The following KCNK2 variants were observed in gnomAD, a reference collection of about 807,000 sequenced individuals.
The protein encoded by KCNK2 is potassium two pore domain channel subfamily K member 2.
In KCNK2, 21 loss-of-function variants were observed where a neutral mutation model predicts 40.5. That is an observed-to-expected ratio of 0.52 (90% confidence interval 0.37 to 0.75). The LOEUF is 0.75. Ranked by LOEUF, KCNK2 falls within the 30% of genes least tolerant of loss-of-function variation. The probability of loss-of-function intolerance (pLI) is 0.00; values close to 1 mark genes in which losing one functional copy is unlikely to be tolerated. For missense variants in KCNK2, 399 were observed against 531.6 expected (o/e 0.75, Z 2.45); for synonymous variants, 191 against 202.2 (o/e 0.94, Z 0.47).
chr1:215,078,696 A>C (rs992140923), upstream of KCNK2, among the ~76,000 whole-genome samples: 1 of 152,198 alleles, frequency 6.6e-6, no homozygotes, highest in Non-Finnish European at 1.5e-5. Context: ...GAGCCAAACC[A>C]TATCAGGAAT....
intron 1 of KCNK2, among the ~76,000 whole-genome samples, chr1:215,062,978 G>A (rs1658409158): frequency 6.6e-6 from 1 of 152,044 alleles, no homozygotes; most frequent in African/African-American, 2.4e-5. Context: ...GATAAACTTG[G>A]GTCTAGAAGA....
intron 6 of KCNK2, among the ~76,000 whole-genome samples, chr1:215,218,057 G>A (rs138110187): frequency 6.6e-6 from 1 of 152,282 alleles, no homozygotes; most frequent in African/African-American, 2.4e-5. Flanking sequence ...ATGTTTCACA[G>A]GGGAATAGAG....
chr1:215,218,429 CCTA>C (rs1666041056), intron 6 of KCNK2, among the ~76,000 whole-genome samples: 1 of 152,152 alleles, frequency 6.6e-6, no homozygotes, highest in Non-Finnish European at 1.5e-5. Context: ...CCGACTATGT[CCTA>C]CTCTAATGTC....
At chr1:215,014,744 G>C (rs375929058) in intron 1 of KCNK2, among the ~76,000 whole-genome samples, 1 of 152,032 alleles carries the variant, frequency 6.6e-6, no homozygotes, top group Admixed American at 6.6e-5. Context: ...AGACCATCTG[G>C]TAATTTTTCC....
chr1:215,096,326 T>C (rs538859957), intron 2 of KCNK2, among the ~76,000 whole-genome samples: 16 of 151,772 alleles, frequency 1.1e-4, no homozygotes, highest in Non-Finnish European at 1.9e-4. Flanking sequence ...TTTAGTAACA[T>C]TTTTTTCCTA....
At chr1:215,096,714 G>A (rs1659992926) in intron 2 of KCNK2, among the ~76,000 whole-genome samples, 1 of 151,888 alleles carries the variant, frequency 6.6e-6, no homozygotes, top group African/African-American at 2.4e-5. Context: ...AGGCAACACA[G>A]ACAAACTGAT....
chr1:215,056,295 T>C (rs11120476), intron 1 of KCNK2, among the ~76,000 whole-genome samples: 134,285 of 140,362 alleles, frequency 0.96, 64,502 homozygotes, highest in East Asian at 1. Context: ...GCAACAAGAG[T>C]GAAACTCCAT....
intron 1 of KCNK2, among the ~76,000 whole-genome samples, chr1:215,068,382 T>C (rs1452637): frequency 0.96 from 145,979 of 152,244 alleles, 70,262 homozygotes; most frequent in East Asian, 1. Flanking sequence ...GGACATCTAT[T>C]ACTTCAGGCG....
At chr1:215,044,820 T>C (rs1407682623) in intron 1 of KCNK2, among the ~76,000 whole-genome samples, 6 of 64,174 alleles carry the variant, frequency 9.3e-5, no homozygotes, top group African/African-American at 2.9e-4. Flanking sequence ...TGTGTGTGTG[T>C]GTGTGTGCGC....
intron 3 of KCNK2, among the ~76,000 whole-genome samples, chr1:215,143,586 A>G (rs10779642): frequency 0.77 from 116,823 of 152,040 alleles, 45,193 homozygotes; most frequent in Non-Finnish European, 0.79. Flanking sequence ...TAAGTACGCC[A>G]AAGCATTGAG....
At chr1:215,046,416 C>G (rs972154764) in intron 1 of KCNK2, among the ~76,000 whole-genome samples, 1 of 149,404 alleles carries the variant, frequency 6.7e-6, no homozygotes, top group Non-Finnish European at 1.5e-5. Flanking sequence ...CTATATTTGA[C>G]TAAGGTCAAG....
chr1:215,120,256 C>A lies in KCNK2; in HGVS notation c.358-4377C>A, dbSNP rs192867415. The stretch of plus-strand genomic sequence containing the variant: ...GATGAGAAAAAGAATAAGCTAAAAT[C>A]ATAGTGCTGGTTATGAAGGCTATAT... On this transcript the variant is annotated intron_variant, in intron 2 of 6. Transcript: ENST00000444842. Among the ~76,000 whole-genome samples the A allele has an allele frequency of 1.8e-4, 28 of 152,208 alleles. No homozygotes were observed. In the East Asian group the frequency reaches 3.9e-3, roughly 21 times the overall value.
intron 6 of KCNK2, among the ~76,000 whole-genome samples, chr1:215,221,098 A>G (rs1250889067): frequency 6.6e-6 from 1 of 152,220 alleles, no homozygotes; most frequent in Non-Finnish European, 1.5e-5. Context: ...GGCTGGGCGC[A>G]GTGGCTCACA....
At chr1:215,136,821 A>G (rs1435223698) in intron 3 of KCNK2, among the ~76,000 whole-genome samples, 2 of 152,238 alleles carry the variant, frequency 1.3e-5, no homozygotes, top group African/African-American at 2.4e-5. Context: ...ATATCTGATG[A>G]CAGCCTTGAT....
At chr1:215,210,761 A>G (rs1665709192) in intron 6 of KCNK2, among the ~76,000 whole-genome samples, 1 of 152,160 alleles carries the variant, frequency 6.6e-6, no homozygotes, top group South Asian at 2.1e-4. Context: ...TATACAGAAT[A>G]TGCTTTACAT....
intron 6 of KCNK2, among the ~76,000 whole-genome samples, chr1:215,205,634 C>T (rs1476958554): frequency 6.6e-6 from 1 of 152,204 alleles, no homozygotes; most frequent in African/African-American, 2.4e-5. Flanking sequence ...CCATGTCAGC[C>T]TGGGTCCCTG....
At chr1:215,097,304 T>C (rs1030181510) in intron 2 of KCNK2, among the ~76,000 whole-genome samples, 1 of 151,856 alleles carries the variant, frequency 6.6e-6, no homozygotes, top group Non-Finnish European at 1.5e-5. Flanking sequence ...ATGGTTTTGC[T>C]CTCAGGTTAG....
At chr1:215,170,565 A>C (rs1017094786) in intron 4 of KCNK2, among the ~76,000 whole-genome samples, 22 of 152,180 alleles carry the variant, frequency 1.4e-4, no homozygotes, top group Non-Finnish European at 2.4e-4. Context: ...GATGAAATAA[A>C]ATATCGAGTA....
intron 3 of KCNK2, among the ~76,000 whole-genome samples, chr1:215,151,820 G>A (rs1289401155): frequency 1.3e-5 from 2 of 151,946 alleles, no homozygotes; most frequent in East Asian, 3.8e-4. Context: ...TAGGAATGTT[G>A]TAGTGTGGGG....
Sources: gnomAD v4.1 joint callset for allele counts (sites outside exome capture counted in the v4.1 genomes callset) on GRCh38, gnomAD v4.1.1 for gene constraint, MANE v1.5 for transcripts, NCBI Gene and HGNC (gene_info 2026-07-23, HGNC 2026-07-21) for gene names.